The following PIEZO1 variants were observed in gnomAD, a reference collection of about 807,000 sequenced individuals.
PIEZO1 encodes piezo type mechanosensitive ion channel component 1 (Er blood group).
In PIEZO1, 296 loss-of-function variants were observed where a neutral mutation model predicts 297.2. The ratio of observed to expected loss-of-function variants is 1.00; its 90% CI spans 0.91 to 1.10. The LOEUF (loss-of-function observed/expected upper bound fraction) is 1.10. Ranked by LOEUF, PIEZO1 falls within the 50% of genes least tolerant of loss-of-function variation. The pLI is 0.00. For missense variants in PIEZO1, 5,018 were observed against 3,455.5 expected, an observed-to-expected ratio of 1.45 and a Z score of -11.34; for synonymous variants, 2,427 against 1,507.5, an observed-to-expected ratio of 1.61 and a Z score of -14.13.
intron 1 of PIEZO1, among the ~76,000 whole-genome samples, chr16:88,765,530 C>T (rs558581614): frequency 1.6e-4 from 24 of 152,286 alleles, no homozygotes; most frequent in South Asian, 1.0e-3. Flanking sequence ...ACCATCTTGC[C>T]CTCCCAGTGG....
At chr16:88,764,802 C>T (rs999709672) in intron 1 of PIEZO1, among the ~76,000 whole-genome samples, 3 of 152,076 alleles carry the variant, frequency 2.0e-5, no homozygotes, top group Admixed American at 6.5e-5. Flanking sequence ...CACGGCCTGC[C>T]TTTGACTCCC....
intron 1 of PIEZO1, among the ~76,000 whole-genome samples, chr16:88,773,255 G>T (rs573928558): frequency 1.3e-5 from 2 of 152,366 alleles, no homozygotes; most frequent in African/African-American, 4.8e-5. Context: ...TGAGTAGAGG[G>T]GAGGCCTGAG....
At chr16:88,754,941 G>C (rs1906579110) in intron 1 of PIEZO1, among the ~76,000 whole-genome samples, 1 of 152,252 alleles carries the variant, frequency 6.6e-6, no homozygotes, top group Admixed American at 6.5e-5. Flanking sequence ...GGAGCTGAAA[G>C]CTGGGGCCCC....
chr16:88,739,335 G>A (rs1205932822), intron 5 of PIEZO1: 4 of 152,630 alleles, frequency 2.6e-5, no homozygotes, highest in African/African-American at 9.7e-5. Context: ...TGTTTTCCCT[G>A]GACCTGACTA....
intron 1 of PIEZO1, among the ~76,000 whole-genome samples, chr16:88,773,254 G>A (rs1008968089): frequency 6.6e-6 from 1 of 152,266 alleles, no homozygotes; most frequent in Non-Finnish European, 1.5e-5. Flanking sequence ...CTGAGTAGAG[G>A]GGAGGCCTGA....
intron 1 of PIEZO1, among the ~76,000 whole-genome samples, chr16:88,781,128 G>C (rs1301003162): frequency 1.3e-5 from 2 of 152,204 alleles, no homozygotes; most frequent in East Asian, 3.9e-4. Context: ...CATCTCAGGA[G>C]TGGGCTGCAG....
Position 88,716,132 on chromosome 16 carries a change from G to T in PIEZO1, c.7130-13C>A. ...TCGGCCTCCTCATCTGGGATGGAGG[G>T]AGAAGATCGTTGAGGCCGCAGGTCA... On this transcript the variant is annotated splice_polypyrimidine_tract_variant and intron_variant, in intron 49 of 50. Coordinates refer to ENST00000301015, the MANE Select transcript of PIEZO1 (RefSeq NM_001142864.4). 6.5e-7 allele frequency: 1 copy of T among 1,537,340 alleles called. No homozygotes were observed. Among genetic ancestry groups the T allele is most frequent in the Non-Finnish European group, 8.8e-7 (1 of 1,137,822 alleles).
intron 22 of PIEZO1, among the ~76,000 whole-genome samples, chr16:88,729,797 C>A (rs1300486402): frequency 6.9e-6 from 1 of 144,436 alleles, no homozygotes; most frequent in African/African-American, 2.6e-5. Flanking sequence ...GAACCCACAG[C>A]CCCATCTGCC....
In PIEZO1 at chr16:88,719,877, C is replaced by T. The variant is rs763562276; in HGVS notation, c.6248G>A (p.Cys2083Tyr). ...GCCGAGGATGCGGGTGGGGTAGCCGCAGCGGATCTGGTAGGCGGACAGGGC... is the reference window on the plus strand; with the variant it reads ...GCCGAGGATGCGGGTGGGGTAGCCGTAGCGGATCTGGTAGGCGGACAGGGC... The part of the protein sequence containing the change: ...YFALSAYQIR[C>Y]GYPTRILGNF... Residue 2083 changes from cysteine to tyrosine, a missense_variant, in exon 43 of 51, where the codon TGC becomes TAC. Physicochemically the swap from Cys to Tyr is radical, Grantham distance 194. Transcript: ENST00000301015. 4 of 1,550,504 alleles carry T rather than the reference C, an allele frequency of 2.6e-6. No individual in the cohort carries two copies. Among genetic ancestry groups the T allele is most frequent in the Non-Finnish European group, 2.6e-6 (3 of 1,146,960 alleles).
At position 88,734,969 on chromosome 16, in the gene PIEZO1, G is replaced by C. The variant is rs1669844607; in HGVS notation, c.1754C>G (p.Ala585Gly). The C allele has an allele frequency of 5.2e-6, 8 of 1,550,406 alleles. No individual in the cohort carries two copies. The highest frequency in any genetic ancestry group is 7.0e-6 in the Non-Finnish European group (8 of 1,146,972). The change falls in exon 14 of 51, where the codon GCT (alanine) becomes GGT (glycine). Residue 585 changes from alanine to glycine, a missense_variant. Ala to Gly is a moderately conservative substitution (Grantham distance 60). Transcript: ENST00000301015. ...VYAKYWIYVC[A>G]GMFIVVSFAG... ...GAAGCTGACCACGATGAACATGCCA[G>C]CACACACATAGATCCAGTACTTGGC... is the stretch of plus-strand genomic sequence containing the variant.
chr16:88,738,153 G>C, intron 7 of PIEZO1, 48 bp from the exon 8 acceptor site: 1 of 1,534,708 alleles, frequency 6.5e-7, no homozygotes, highest in Non-Finnish European at 8.7e-7. Context: ...AGGCAGTGGG[G>C]CCACAGGGGC....
intron 1 of PIEZO1, among the ~76,000 whole-genome samples, chr16:88,781,541 C>T (rs1907938524): frequency 6.6e-6 from 1 of 152,258 alleles, no homozygotes; most frequent in South Asian, 2.1e-4. Context: ...AGAGTGCGCC[C>T]CTCTGTCACA....
rs57473387 is a variant in PIEZO1, at chr16:88,724,056, G to A, written c.4235-85C>T. The A allele has an allele frequency of 2.8e-4, 218 of 788,840 alleles. 1 individual carries two copies. In the African/African-American group the frequency reaches 3.0e-3, roughly 11 times the overall value. 48.9% of individuals were successfully genotyped at this position (788,840 alleles called of 1,614,324 possible). ...CCTCCGCCTGCATGGGCCAAGGCCC[G>A]AGAGCCACCCTTCCCATGCGGAGTA... On this transcript the variant is annotated intron_variant, in intron 30 of 50. Transcript: ENST00000301015.
chr16:88,763,923 G>A (rs1376479030), intron 1 of PIEZO1, among the ~76,000 whole-genome samples: 2 of 152,208 alleles, frequency 1.3e-5, no homozygotes, highest in Non-Finnish European at 2.9e-5. Flanking sequence ...AGGCACACCT[G>A]TACACCTGCA....
At chr16:88,721,758 G>T (rs1024600240) in intron 37 of PIEZO1, 32 bp from the exon 38 acceptor site, 138 of 1,534,904 alleles carry the variant, frequency 9.0e-5, no homozygotes, top group Middle Eastern at 1.7e-4. Context: ...ACGCGGGGAG[G>T]GTCACGGCGC....
chr16:88,731,954 G>GGGGAGGGCGGGGTGT (rs1904862262), intron 21 of PIEZO1, 44 bp from the exon 22 acceptor site: 22 of 326,132 alleles, frequency 6.7e-5, no homozygotes, highest in South Asian at 1.6e-4. Context: ...ACTGAGTCTG[G>GGGGAGGGCGGGGTGT]GGGGAGGGAC....
At position 88,785,054 on chromosome 16, in the gene PIEZO1, TGACCCGCGGG is replaced by T; in HGVS notation, c.-100_-91del. ...GGCCCCGGGGCCGGCGCGCCATGGC[TGACCCGCGGG>T]GACCCGCGCGCCGCCTTCTCCTCTT... is the stretch of plus-strand genomic sequence containing the variant. On this transcript the variant is annotated 5_prime_UTR_variant, in exon 1 of 51. Coordinates refer to ENST00000301015, the MANE Select transcript of PIEZO1 (RefSeq NM_001142864.4). 1 of 772,268 alleles carries T rather than the reference TGACCCGCGGG, an allele frequency of 1.3e-6. No individual in the cohort carries two copies. Among genetic ancestry groups the T allele is most frequent in the East Asian group, 4.3e-5 (1 of 23,308 alleles). 47.8% of individuals were successfully genotyped at this position (772,268 alleles called of 1,614,324 possible). A position where few individuals can be genotyped will look rare whatever the true frequency, so the allele number is the denominator to read the frequency against.
At chr16:88,725,200 G>T (rs1158333006) in intron 29 of PIEZO1, 120 bp from the exon 30 acceptor site, 1 of 776,632 alleles carries the variant, frequency 1.3e-6, no homozygotes, top group Non-Finnish European at 2.0e-6. Flanking sequence ...CCACAGTGAC[G>T]GGGGCCGTGT....
In PIEZO1 at chr16:88,725,612, C is replaced by A. The variant is rs376122435; in HGVS notation, c.4041G>T (p.Leu1347=). 11 of 1,549,104 alleles carry A rather than the reference C, an allele frequency of 7.1e-6. No individual in the cohort carries two copies. Among genetic ancestry groups the A allele is most frequent in the Admixed American group, 2.0e-5 (1 of 50,972 alleles). ...DFHRRIEEKS[L]AQLKRQMERI... ...GCACCTACTGTCTTTTCAGCTGGGC[C>A]AGGGACTTCTCCTCTATCCTGCGGT... is the stretch of plus-strand genomic sequence containing the variant. The change falls in exon 28 of 51, where the codon CTG becomes CTT. Residue 1347 remains leucine (L), a synonymous_variant. Transcript: ENST00000301015.
Sources: gnomAD v4.1 joint callset for allele counts (sites outside exome capture counted in the v4.1 genomes callset) on GRCh38, gnomAD v4.1.1 for gene constraint, MANE v1.5 for transcripts, NCBI Gene and HGNC (gene_info 2026-07-23, HGNC 2026-07-21) for gene names.